TENM3: variants seen among roughly 807,000 people sequenced by gnomAD.
The protein encoded by TENM3 is teneurin transmembrane protein 3, also known as teneurin-3.
TENM3 carries 63 observed loss-of-function variants against 255.1 expected under a neutral mutation model. That is an observed-to-expected ratio of 0.25 (90% CI 0.20 to 0.30). The LOEUF is 0.30. TENM3 is among the 10% of genes least tolerant of loss of function. The pLI is 1.00. For synonymous variants in TENM3, 1,306 were observed against 1,322.3 expected, an observed-to-expected ratio of 0.99 and a Z score of 0.27; for missense variants, 2,929 against 3,461.1, an observed-to-expected ratio of 0.85 and a Z score of 3.86.
intron 3 of TENM3, among the ~76,000 whole-genome samples, chr4:182,417,205 T>C (rs1053201145): frequency 6.6e-6 from 1 of 152,098 alleles, no homozygotes; most frequent in South Asian, 2.1e-4. Context: ...CTCGATCTCC[T>C]GACCTCGTGA....
intron 1 of TENM3, among the ~76,000 whole-genome samples, chr4:182,311,941 C>T (rs1414694534): frequency 2.0e-5 from 3 of 152,216 alleles, no homozygotes; most frequent in Non-Finnish European, 2.9e-5. Context: ...TCTCTCATTA[C>T]GACTAAAGGT....
At chr4:181,559,034 T>C in the TENM3 span, among the ~76,000 whole-genome samples, 1 of 152,000 alleles carries the variant, frequency 6.6e-6, no homozygotes, top group Admixed American at 6.6e-5. Context: ...TATCTTCTGT[T>C]TGGTATTTCA....
At chr4:182,196,967 C>T (rs1395618566) in intron 1 of TENM3, among the ~76,000 whole-genome samples, 2 of 152,134 alleles carry the variant, frequency 1.3e-5, no homozygotes, top group Non-Finnish European at 2.9e-5. Flanking sequence ...GAGCTCAGGA[C>T]CTGACTCCTT....
chr4:182,321,066 A>G (rs1000250526), intron 1 of TENM3, among the ~76,000 whole-genome samples: 1 of 152,190 alleles, frequency 6.6e-6, no homozygotes, highest in African/African-American at 2.4e-5. Context: ...AAATGCTCGA[A>G]TTATATTTTT....
intron 1 of TENM3, among the ~76,000 whole-genome samples, chr4:182,159,077 T>G (rs1750911987): frequency 6.6e-6 from 1 of 152,196 alleles, no homozygotes; most frequent in East Asian, 1.9e-4. Context: ...GACCCTTATT[T>G]CTTCATCTGA....
At chr4:182,716,167 G>C (rs1759148558) in intron 13 of TENM3, among the ~76,000 whole-genome samples, 2 of 152,124 alleles carry the variant, frequency 1.3e-5, no homozygotes, top group Non-Finnish European at 2.9e-5. Flanking sequence ...AGGAAGGAGA[G>C]CTTCTCTTTC....
At chr4:182,035,189 T>C in the TENM3 span, among the ~76,000 whole-genome samples, 2 of 152,348 alleles carry the variant, frequency 1.3e-5, no homozygotes, top group South Asian at 4.1e-4. Flanking sequence ...TAATTCAAAG[T>C]TTGATTTGTT....
the TENM3 span, among the ~76,000 whole-genome samples, chr4:181,825,424 A>AC: frequency 7.0e-6 from 1 of 142,584 alleles, no homozygotes; most frequent in Non-Finnish European, 1.5e-5. Flanking sequence ...AAAAAAAAAA[A>AC]AACAGAGAAT....
chr4:181,993,286 C>T, the TENM3 span, among the ~76,000 whole-genome samples: 4 of 152,096 alleles, frequency 2.6e-5, no homozygotes, highest in Non-Finnish European at 5.9e-5. Context: ...TTCAGAGGTA[C>T]AGATGCTAAC....
chr4:181,546,751 C>T, the TENM3 span, among the ~76,000 whole-genome samples: 1 of 151,164 alleles, frequency 6.6e-6, no homozygotes, highest in Non-Finnish European at 1.5e-5. Context: ...AGAAATGGCA[C>T]CTGAGTCATG....
chr4:181,897,473 C>G, the TENM3 span, among the ~76,000 whole-genome samples: 1 of 152,166 alleles, frequency 6.6e-6, no homozygotes, highest in African/African-American at 2.4e-5. Flanking sequence ...TAATTTCATA[C>G]TAACTAAAAG....
At chr4:181,636,719 T>A in the TENM3 span, among the ~76,000 whole-genome samples, 1 of 152,224 alleles carries the variant, frequency 6.6e-6, no homozygotes, top group Non-Finnish European at 1.5e-5. Flanking sequence ...AATAGCATCT[T>A]AACAGTTCTT....
At position 182,202,299 on chromosome 4, in the gene TENM3, CTTTT is replaced by C. The variant is rs773698031; in HGVS notation, c.-76+57565_-76+57568del. 4.1e-3 allele frequency among the ~76,000 whole-genome samples: 415 copies of C among 100,592 alleles called. 4 individuals are homozygous for C. Among genetic ancestry groups the C allele is most frequent in the African/African-American group, 0.015 (367 of 23,922 alleles). The allele number at this position is 100,592 out of a possible 152,430, so 66.0% of individuals were successfully genotyped here. A position where few individuals can be genotyped will look rare whatever the true frequency, so the allele number is the denominator to read the frequency against. On this transcript the variant is annotated intron_variant, in intron 1 of 2. Transcript: ENST00000512480. ...GCACAACTAAGATGTGTGCACTGCA[CTTTT>C]TTTTTTTTTTTTTTTTTTTGAGATG... is the stretch of plus-strand genomic sequence containing the variant.
At chr4:181,451,260 T>C in the TENM3 span, among the ~76,000 whole-genome samples, 1 of 152,128 alleles carries the variant, frequency 6.6e-6, no homozygotes, top group South Asian at 2.1e-4. Flanking sequence ...GGCATTCTCA[T>C]GGAACTGAGA....
chr4:181,837,171 A>G, the TENM3 span, among the ~76,000 whole-genome samples: 1 of 152,008 alleles, frequency 6.6e-6, no homozygotes. Flanking sequence ...TTTTTTTTAA[A>G]TAGAAAGTTT....
At chr4:182,631,314 A>T (rs1751346097) in intron 5 of TENM3, 1 of 152,196 alleles carries the variant, frequency 6.6e-6, no homozygotes, top group African/African-American at 2.4e-5. Context: ...CTAGCAAAAA[A>T]ATTACTTTTA....
At chr4:182,513,468 GAAC>G (rs10601634) in intron 3 of TENM3, among the ~76,000 whole-genome samples, 23,827 of 147,966 alleles carry the variant, frequency 0.16, 2,983 homozygotes, top group African/African-American at 0.35. Context: ...AGCTGGAAAA[GAAC>G]ATAGGCTACC....
At chr4:181,937,702 T>C in the TENM3 span, among the ~76,000 whole-genome samples, 3 of 152,208 alleles carry the variant, frequency 2.0e-5, no homozygotes, top group African/African-American at 7.2e-5. Flanking sequence ...TTGAATTCTT[T>C]ACTATAAATT....
the TENM3 span, among the ~76,000 whole-genome samples, chr4:181,890,530 AG>A: frequency 6.4e-4 from 97 of 152,306 alleles, no homozygotes; most frequent in African/African-American, 2.1e-3. Context: ...TACTATTAAA[AG>A]GTTTCTAAAT....
Sources: allele counts gnomAD v4.1 joint callset (sites outside exome capture counted in the v4.1 genomes callset), GRCh38; gene constraint gnomAD v4.1.1; transcripts MANE v1.5; gene names NCBI Gene and HGNC (gene_info 2026-07-23, HGNC 2026-07-21).